CNTN5: variants seen among roughly 807,000 people sequenced by gnomAD.
CNTN5 encodes contactin-5.
In CNTN5, 77 loss-of-function variants were observed where a neutral mutation model predicts 129.1. That is an observed-to-expected ratio of 0.60 (90% CI 0.50 to 0.72). The LOEUF is 0.72. Ranked by LOEUF, CNTN5 falls within the 30% of genes least tolerant of loss-of-function variation. The pLI is 0.00. For missense variants in CNTN5, 1,478 were observed against 1,328.8 expected, an observed-to-expected ratio of 1.11 and a Z score of -1.75; for synonymous variants, 509 against 465.6, an observed-to-expected ratio of 1.09 and a Z score of -1.20.
chr11:100,334,698 T>G (rs1233745217), intron 21 of CNTN5, among the ~76,000 whole-genome samples: 4 of 152,168 alleles, frequency 2.6e-5, no homozygotes, highest in Non-Finnish European at 4.4e-5. Context: ...CCAAAAATTG[T>G]ATGTTCTCAC....
At chr11:99,728,013 A>G (rs922189640) in intron 3 of CNTN5, among the ~76,000 whole-genome samples, 3 of 152,216 alleles carry the variant, frequency 2.0e-5, no homozygotes, top group African/African-American at 7.2e-5. Context: ...TCTGACAATC[A>G]ACTAAATCAA....
At chr11:99,158,750 A>C (rs1024328159) in intron 1 of CNTN5, among the ~76,000 whole-genome samples, 1 of 152,180 alleles carries the variant, frequency 6.6e-6, no homozygotes, top group African/African-American at 2.4e-5. Flanking sequence ...AGTGTTATCA[A>C]ATACATCTGT....
rs147967083 is a variant in CNTN5 at position 100,104,771 on chromosome 11, C to T, written c.1580+30477C>T. 8.5e-5 allele frequency among the ~76,000 whole-genome samples: 13 copies of T among 152,254 alleles called. No homozygotes were observed. In the East Asian group the frequency reaches 2.5e-3, roughly 30 times the overall value. ...ACCCCTCCATTCTTAGTGCATCTTACCTCTCTACTAGTTTTATACCTGAAT... is the reference window on the plus strand; with the variant it reads ...ACCCCTCCATTCTTAGTGCATCTTATCTCTCTACTAGTTTTATACCTGAAT... On this transcript the variant is annotated intron_variant, in intron 13 of 24. Coordinates refer to ENST00000524871, the MANE Select transcript of CNTN5 (RefSeq NM_014361.4).
chr11:99,138,885 C>G (rs903039083), intron 1 of CNTN5, among the ~76,000 whole-genome samples: 3 of 152,118 alleles, frequency 2.0e-5, no homozygotes, highest in Non-Finnish European at 4.4e-5. Flanking sequence ...AGAAGATTTT[C>G]TTTACTTTTT....
intron 6 of CNTN5, 96 bp from the exon 7 acceptor site, chr11:99,915,958 G>T (rs2136012122): frequency 1.1e-6 from 1 of 908,814 alleles, no homozygotes. Flanking sequence ...AAGACACCTT[G>T]TGAAGATAAC....
Position 99,256,272 on chromosome 11 carries a change from T to C in CNTN5, c.-209-69074T>C, listed in dbSNP as rs1428219744. On this transcript the variant is annotated intron_variant, in intron 1 of 24. Coordinates refer to ENST00000524871, the MANE Select transcript of CNTN5 (RefSeq NM_014361.4). ...AGACCCTTTATAGTGTATACAAATG[T>C]CAAGCATTTAGATTTTTATAAATAG... 4.6e-5 allele frequency among the ~76,000 whole-genome samples: 7 copies of C among 152,212 alleles called. 1 individual carries two copies. The East Asian group carries it at 1.4e-3, about 29-fold the overall frequency.
intron 3 of CNTN5, among the ~76,000 whole-genome samples, chr11:99,815,447 C>A (rs898146403): frequency 1.4e-4 from 22 of 152,072 alleles, no homozygotes; most frequent in African/African-American, 5.3e-4. Flanking sequence ...TTAAAAATAT[C>A]CCTGAGAGAG....
intron 6 of CNTN5, among the ~76,000 whole-genome samples, chr11:99,892,991 T>C (rs1745065378): frequency 6.6e-6 from 1 of 152,150 alleles, no homozygotes; most frequent in African/African-American, 2.4e-5. Context: ...CTCCTAAATA[T>C]ATTGCATGAG....
chr11:100,223,106 A>G (rs1410622141), intron 15 of CNTN5, among the ~76,000 whole-genome samples: 1 of 152,164 alleles, frequency 6.6e-6, no homozygotes. Context: ...AAAAGTAGCA[A>G]TTTATCCCAA....
chr11:99,459,899 C>T (rs1944630296), intron 2 of CNTN5, among the ~76,000 whole-genome samples: 1 of 151,780 alleles, frequency 6.6e-6, no homozygotes, highest in African/African-American at 2.4e-5. Context: ...TGGAGTGAGA[C>T]ATAGGCTCAA....
chr11:99,608,630 A>T (rs1950504440), intron 3 of CNTN5, among the ~76,000 whole-genome samples: 4 of 152,284 alleles, frequency 2.6e-5, no homozygotes, highest in Admixed American at 6.5e-5. Context: ...TCTACAAGCC[A>T]AGTAGAGAGA....
intron 17 of CNTN5, among the ~76,000 whole-genome samples, chr11:100,260,538 A>C (rs1423268048): frequency 6.6e-6 from 1 of 152,214 alleles, no homozygotes; most frequent in African/African-American, 2.4e-5. Context: ...TCACTGGGAG[A>C]ATCCTCAATA....
chr11:99,756,671 A>G (rs1455467275), intron 3 of CNTN5, among the ~76,000 whole-genome samples: 1 of 152,114 alleles, frequency 6.6e-6, no homozygotes, highest in Non-Finnish European at 1.5e-5. Context: ...CTTGTCACCC[A>G]TTCTCAAGTT....
intron 3 of CNTN5, among the ~76,000 whole-genome samples, chr11:99,627,643 T>A (rs539883538): frequency 6.6e-6 from 1 of 152,024 alleles, no homozygotes; most frequent in East Asian, 1.9e-4. Flanking sequence ...ACACACCCAC[T>A]CAAGTATTAA....
intron 2 of CNTN5, among the ~76,000 whole-genome samples, chr11:99,478,540 G>A (rs1304494937): frequency 6.6e-6 from 1 of 152,124 alleles, no homozygotes; most frequent in Admixed American, 6.5e-5. Context: ...AAGGGTGTGA[G>A]TATCAGGAGG....
At chr11:100,219,455 C>A (rs1949216593) in intron 15 of CNTN5, among the ~76,000 whole-genome samples, 1 of 152,148 alleles carries the variant, frequency 6.6e-6, no homozygotes, top group Non-Finnish European at 1.5e-5. Context: ...CCTCTCTTTA[C>A]CTTGGAAGCA....
chr11:99,036,607 G>A (rs1003971056), intron 1 of CNTN5, among the ~76,000 whole-genome samples: 2 of 151,912 alleles, frequency 1.3e-5, no homozygotes, highest in Non-Finnish European at 2.9e-5. Flanking sequence ...GTATTGCTAG[G>A]TCATTGAGAA....
At chr11:99,976,096 C>T (rs1213862037) in intron 8 of CNTN5, among the ~76,000 whole-genome samples, 1 of 152,194 alleles carries the variant, frequency 6.6e-6, no homozygotes, top group African/African-American at 2.4e-5. Context: ...CCATACAAGT[C>T]CATAAACCAT....
intron 7 of CNTN5, among the ~76,000 whole-genome samples, chr11:99,950,669 G>A (rs1413821880): frequency 6.6e-6 from 1 of 152,152 alleles, no homozygotes; most frequent in Non-Finnish European, 1.5e-5. Flanking sequence ...CTACAAAATT[G>A]TGCTTTATGC....
Sources: allele counts gnomAD v4.1 joint callset (sites outside exome capture counted in the v4.1 genomes callset), GRCh38; gene constraint gnomAD v4.1.1; transcripts MANE v1.5; gene names NCBI Gene and HGNC (gene_info 2026-07-23, HGNC 2026-07-21).